The following RASGRP2 variants were observed in gnomAD, a reference collection of about 807,000 sequenced individuals.
RASGRP2 encodes RAS guanyl releasing protein 2.
A neutral mutation model predicts 71.0 loss-of-function variants in RASGRP2; 44 were observed. That is an observed-to-expected ratio of 0.62 (90% confidence interval 0.49 to 0.80). RASGRP2 has a LOEUF of 0.80. RASGRP2 is among the 30% of genes least tolerant of loss of function. The probability of loss-of-function intolerance (pLI) is 0.00; values close to 1 mark genes in which losing one functional copy is unlikely to be tolerated. For synonymous variants in RASGRP2, 350 were observed against 330.7 expected (o/e 1.06, Z -0.63); for missense variants, 663 against 813.4 (o/e 0.82, Z 2.25).
At chr11:64,730,032 A>G in intron 13 of RASGRP2, 21 bp downstream of exon 13, 12 of 1,548,010 alleles carry the variant, frequency 7.8e-6, no homozygotes, top group Non-Finnish European at 1.0e-5. Context: ...TTGGGCCGTG[A>G]GCCGGGAAAG....
chr11:64,734,546 AAAC>A (rs924629282), intron 12 of RASGRP2, among the ~76,000 whole-genome samples: 1 of 152,156 alleles, frequency 6.6e-6, no homozygotes, highest in African/African-American at 2.4e-5. Flanking sequence ...TGGAAATAAA[AAAC>A]AACAGATTTT....
upstream of RASGRP2, chr11:64,745,381 T>C (rs1242855083): frequency 6.6e-6 from 1 of 152,416 alleles, no homozygotes; most frequent in Non-Finnish European, 1.5e-5. Context: ...GTCCTTGAGA[T>C]AGTCTGGGGG....
upstream of RASGRP2, chr11:64,744,802 C>A: frequency 6.7e-6 from 1 of 149,834 alleles, no homozygotes; most frequent in South Asian, 1.8e-4. Context: ...CGTGCGCTCC[C>A]GCCCGCCGGC....
At position 64,739,556 on chromosome 11, in the gene RASGRP2, C is replaced by G; in HGVS notation, c.696+80G>C. 1 of 1,610,082 alleles carries G rather than the reference C, an allele frequency of 6.2e-7. No homozygotes were observed. The highest frequency in any genetic ancestry group is 8.5e-7 in the Non-Finnish European group (1 of 1,176,618). Reference sequence around the variant, plus strand: ...TGGCCCAGCTTATCTAGAGAGAAGGCAGTGGGTTAGGGGAAGGGAAGGGTT... The same window carrying G: ...TGGCCCAGCTTATCTAGAGAGAAGGGAGTGGGTTAGGGGAAGGGAAGGGTT... On this transcript the variant is annotated intron_variant, in intron 7 of 16. Coordinates refer to ENST00000394432, the MANE Select transcript of RASGRP2 (RefSeq NM_001098671.2). The surrounding 1 kb of genome is among the most constrained non-coding windows in gnomAD (Gnocchi z 4.2).
In RASGRP2 at chr11:64,729,810, G is replaced by A. The variant is rs2135729157; in HGVS notation, c.1555-12C>T. 1.9e-6 allele frequency: 3 copies of A among 1,614,096 alleles called. No individual in the cohort carries two copies. The highest frequency in any genetic ancestry group is 1.7e-4 in the Middle Eastern group (1 of 6,060). On this transcript the variant is annotated splice_polypyrimidine_tract_variant and intron_variant, in intron 13 of 16. Transcript: ENST00000394432. ...TAGATGCCCAGGATCTGCAATAGAG[G>A]AGGGGCCGTGGTGGGAGGAGGGATT... is the stretch of plus-strand genomic sequence containing the variant.
Position 64,739,650 on chromosome 11 carries a change from CAA to C in RASGRP2, c.680_681del (p.Phe227CysfsTer39). 6.2e-7 allele frequency: 1 copy of C among 1,613,550 alleles called. No homozygotes were observed. The highest frequency in any genetic ancestry group is 1.1e-5 in the South Asian group (1 of 91,078). On this transcript the variant is annotated frameshift_variant, in exon 7 of 17. Transcript: ENST00000394432. LOFTEE classifies it high-confidence loss of function. The surrounding 1 kb of genome is among the most constrained non-coding windows in gnomAD (Gnocchi z 4.2). Reference sequence around the variant, plus strand: ...GGGGCAGGCACCTCCGCCACGTGGACAAAGTGTGTGATGACCAGGGCCCGCTG... The same window carrying C: ...GGGGCAGGCACCTCCGCCACGTGGACAGTGTGTGATGACCAGGGCCCGCTG... ...APQRALVITH[F>X]VHVAEKLLQL...
At position 64,730,115 on chromosome 11, in the gene RASGRP2, C is replaced by G. The variant is rs866750893; in HGVS notation, c.1492G>C (p.Val498Leu). 1 of 1,551,090 alleles carries G rather than the reference C, an allele frequency of 6.4e-7. No individual in the cohort carries two copies. The highest frequency in any genetic ancestry group is 8.7e-7 in the Non-Finnish European group (1 of 1,147,066). The change falls in exon 13 of 17, where the codon GTA becomes CTA. Residue 498 changes from valine to leucine, a missense_variant. Coordinates refer to ENST00000394432, the MANE Select transcript of RASGRP2 (RefSeq NM_001098671.2). ...SSVLGGRMGF[V>L]HNFQESNSLR... is the part of the protein sequence containing the mutation. ...GAGTTGCTCTCCTGGAAGTTGTGTA[C>G]GAAGCCCATGCGCCCCCCCAACACA... is the stretch of plus-strand genomic sequence containing the variant.
chr11:64,736,009 C>A, intron 9 of RASGRP2, 29 bp from the exon 10 acceptor site: 1 of 1,603,124 alleles, frequency 6.2e-7, no homozygotes, highest in Non-Finnish European at 8.5e-7. Context: ...ATCACCCCCA[C>A]TGGCCCCTGC....
chr11:64,729,528 G>A (rs561993433), intron 14 of RASGRP2, among the ~76,000 whole-genome samples: 2 of 152,032 alleles, frequency 1.3e-5, no homozygotes, highest in Non-Finnish European at 2.9e-5. Context: ...GTAGAGGCGG[G>A]GTTGCGCTAT....
chr11:64,739,795 G>A lies in RASGRP2; in HGVS notation c.537C>T (p.His179=). 8 of 1,613,852 alleles carry A rather than the reference G, an allele frequency of 5.0e-6. No individual in the cohort carries two copies. Among genetic ancestry groups the A allele is most frequent in the Non-Finnish European group, 6.8e-6 (8 of 1,179,926 alleles). ...SFCKILFQDY[H]SFVTHGCTVD... is the part of the protein sequence containing the mutation. ...CAGTGCAGCCATGAGTCACGAAACT[G>A]TGATAGTCCTGAAACTGGGGGCATG... The change falls in exon 7 of 17, where the codon CAC becomes CAT. Residue 179 remains histidine (H), a synonymous_variant. Coordinates refer to ENST00000394432, the MANE Select transcript of RASGRP2 (RefSeq NM_001098671.2). The surrounding 1 kb of genome is among the most constrained non-coding windows in gnomAD (Gnocchi z 4.2).
At position 64,742,000 on chromosome 11, in the gene RASGRP2, C is replaced by T. The variant is rs200310501; in HGVS notation, c.176+10G>A. On this transcript the variant is annotated intron_variant, in intron 3 of 16. Transcript: ENST00000394432. ...ACGGCGGGGGCCTTGGCAAGGCCGG[C>T]GAAGGATATATGTGGAGCAGCTTGG... The T allele has an allele frequency of 1.5e-5, 24 of 1,601,590 alleles. No homozygotes were observed. Among genetic ancestry groups the T allele is most frequent in the Non-Finnish European group, 1.4e-5 (17 of 1,174,344 alleles).
chr11:64,743,900 C>T lies in RASGRP2; in HGVS notation c.-72+103G>A. 1.2e-6 allele frequency: 1 copy of T among 842,200 alleles called. No homozygotes were observed. The highest frequency in any genetic ancestry group is 1.5e-6 in the Non-Finnish European group (1 of 687,934). 52.2% of individuals were successfully genotyped at this position (842,200 alleles called of 1,614,324 possible). On this transcript the variant is annotated intron_variant, in intron 1 of 16. Coordinates refer to ENST00000394432, the MANE Select transcript of RASGRP2 (RefSeq NM_001098671.2). This position sits in a 1 kb window ranked among gnomAD's most constrained non-coding sequence, Gnocchi z 4.9. ...GGAGGTGCAGGCGTCCGCACTTACA[C>T]GCACCGGGCCACAGGCACCGGCCTC...
chr11:64,735,906 G>C lies in RASGRP2; in HGVS notation c.1170C>G (p.Ser390=). Residue 390 remains serine (S), a synonymous_variant, in exon 10 of 17, where the codon TCC becomes TCG. Coordinates refer to ENST00000394432, the MANE Select transcript of RASGRP2 (RefSeq NM_001098671.2). The surrounding 1 kb of genome is among the most constrained non-coding windows in gnomAD (Gnocchi z 4.2). ...LSLQREPRSK[S]SPTSPTSCTP... is the part of the protein sequence containing the mutation. ...AGAGGAGGGAGTACCCCCTCACCGAGGACTTGGAGCGCGGCTCCCGCTGCA... is the reference window on the plus strand; with the variant it reads ...AGAGGAGGGAGTACCCCCTCACCGACGACTTGGAGCGCGGCTCCCGCTGCA... 6.2e-7 allele frequency: 1 copy of C among 1,613,738 alleles called. No homozygotes were observed. The highest frequency in any genetic ancestry group is 1.1e-5 in the South Asian group (1 of 91,022).
chr11:64,742,591 A>C lies in RASGRP2; in HGVS notation c.73+203T>G. 1 of 694,802 alleles carries C rather than the reference A, an allele frequency of 1.4e-6. No individual in the cohort carries two copies. The highest frequency in any genetic ancestry group is 2.4e-6 in the Non-Finnish European group (1 of 413,364). 43.0% of individuals were successfully genotyped at this position (694,802 alleles called of 1,614,324 possible). A position where few individuals can be genotyped will look rare whatever the true frequency, so the allele number is the denominator to read the frequency against. ...CCCTTCGCCGCCGCTGGGGAAGGCTAGAGAAGGGAAACCTCATCTGTCTGA... is the reference window on the plus strand; with the variant it reads ...CCCTTCGCCGCCGCTGGGGAAGGCTCGAGAAGGGAAACCTCATCTGTCTGA... On this transcript the variant is annotated intron_variant, in intron 2 of 16. Coordinates refer to ENST00000394432, the MANE Select transcript of RASGRP2 (RefSeq NM_001098671.2). This position sits in a 1 kb window ranked among gnomAD's most constrained non-coding sequence, Gnocchi z 4.7.
chr11:64,732,636 C>T (rs11231861), intron 12 of RASGRP2, among the ~76,000 whole-genome samples: 8,100 of 152,126 alleles, frequency 0.053, 687 homozygotes, highest in African/African-American at 0.18. Flanking sequence ...AAAAAATTAG[C>T]CGGGCACGGT....
In RASGRP2 at chr11:64,739,793, CTG is replaced by C; in HGVS notation, c.537_538del (p.His179GlnfsTer87). 6.2e-7 allele frequency: 1 copy of C among 1,613,886 alleles called. No individual in the cohort carries two copies. Among genetic ancestry groups the C allele is most frequent in the Non-Finnish European group, 8.5e-7 (1 of 1,179,946 alleles). ...CACAGTGCAGCCATGAGTCACGAAA[CTG>C]TGATAGTCCTGAAACTGGGGGCATG... On this transcript the variant is annotated frameshift_variant, in exon 7 of 17. Transcript: ENST00000394432. LOFTEE classifies it high-confidence loss of function. The surrounding 1 kb of genome is among the most constrained non-coding windows in gnomAD (Gnocchi z 4.2).
intron 9 of RASGRP2, 90 bp from the exon 10 acceptor site, chr11:64,736,070 G>T: frequency 9.9e-7 from 1 of 1,014,068 alleles, no homozygotes; most frequent in Non-Finnish European, 1.5e-6. Flanking sequence ...CCACAGCTCA[G>T]CTCAGAGCTC....
chr11:64,742,026 C>T lies in RASGRP2; in HGVS notation c.160G>A (p.Ala54Thr). ...PWYIPSSQLA[A>T]KLLHIYQQSR... ...GAAGGATATATGTGGAGCAGCTTGG[C>T]CGCCAGCTGAGAGGAGGGGATGTAC... is the stretch of plus-strand genomic sequence containing the variant. The change falls in exon 3 of 17, where the codon GCC becomes ACC. Residue 54 changes from alanine to threonine, a missense_variant. Coordinates refer to ENST00000394432, the MANE Select transcript of RASGRP2 (RefSeq NM_001098671.2). This position sits in a 1 kb window ranked among gnomAD's most constrained non-coding sequence, Gnocchi z 4.7. 1 of 1,610,466 alleles carries T rather than the reference C, an allele frequency of 6.2e-7. No homozygotes were observed. Among genetic ancestry groups the T allele is most frequent in the Non-Finnish European group, 8.5e-7 (1 of 1,178,368 alleles).
Position 64,739,945 on chromosome 11 carries a change from C to G in RASGRP2, c.522+68G>C, listed in dbSNP as rs999602187. The G allele has an allele frequency of 3.1e-6, 5 of 1,612,064 alleles. No individual in the cohort carries two copies. Among genetic ancestry groups the G allele is most frequent in the Middle Eastern group, 1.7e-4 (1 of 6,040 alleles). On this transcript the variant is annotated intron_variant, in intron 6 of 16. Coordinates refer to ENST00000394432, the MANE Select transcript of RASGRP2 (RefSeq NM_001098671.2). This position sits in a 1 kb window ranked among gnomAD's most constrained non-coding sequence, Gnocchi z 4.2. Reference sequence around the variant, plus strand: ...CCTGTGACCCAGCCTACGCCAGGGACCCTGCCCCTCCTAGAACTCTCTTCC... The same window carrying G: ...CCTGTGACCCAGCCTACGCCAGGGAGCCTGCCCCTCCTAGAACTCTCTTCC...
Sources: allele counts gnomAD v4.1 joint callset (sites outside exome capture counted in the v4.1 genomes callset), GRCh38; gene constraint gnomAD v4.1.1; non-coding constraint Gnocchi (gnomAD v3.1); transcripts MANE v1.5; gene names NCBI Gene and HGNC (gene_info 2026-07-23, HGNC 2026-07-21).